KCNH7: variants seen among roughly 807,000 people sequenced by gnomAD.
KCNH7 encodes potassium voltage-gated channel subfamily H member 7.
KCNH7 carries 49 observed loss-of-function variants against 120.8 expected under a neutral mutation model. The observed-to-expected ratio is 0.41, with a 90% CI of 0.32 to 0.51. KCNH7 has a LOEUF of 0.51. KCNH7 is among the 20% of genes least tolerant of loss of function. The probability of loss-of-function intolerance (pLI) is 0.38; values close to 1 mark genes in which losing one functional copy is unlikely to be tolerated. For missense variants in KCNH7, 1,097 were observed against 1,446.6 expected, an observed-to-expected ratio of 0.76 and a Z score of 3.92; for synonymous variants, 547 against 516.1, an observed-to-expected ratio of 1.06 and a Z score of -0.81.
At chr2:162,459,553 C>T (rs1243282604) in intron 6 of KCNH7, among the ~76,000 whole-genome samples, 1 of 152,106 alleles carries the variant, frequency 6.6e-6, no homozygotes, top group Admixed American at 6.6e-5. Flanking sequence ...TCTTGCTCTG[C>T]CTTCTTCCTT....
intron 2 of KCNH7, among the ~76,000 whole-genome samples, chr2:162,554,163 C>G (rs1056335387): frequency 6.6e-6 from 1 of 152,156 alleles, no homozygotes; most frequent in African/African-American, 2.4e-5. Flanking sequence ...CAAATATCAT[C>G]TGCCCATGCC....
At chr2:162,492,961 A>C (rs2105720488) in intron 6 of KCNH7, among the ~76,000 whole-genome samples, 1 of 146,262 alleles carries the variant, frequency 6.8e-6, no homozygotes, top group South Asian at 2.1e-4. Flanking sequence ...TTAATGCACA[A>C]GTCAGAGGCC....
chr2:162,663,883 G>A (rs1288906595), intron 2 of KCNH7, among the ~76,000 whole-genome samples: 1 of 152,120 alleles, frequency 6.6e-6, no homozygotes, highest in Non-Finnish European at 1.5e-5. Flanking sequence ...TAGCTTCCCA[G>A]GAATTTGTTA....
chr2:162,523,605 G>C (rs946743902), intron 3 of KCNH7, among the ~76,000 whole-genome samples: 6 of 151,198 alleles, frequency 4.0e-5, no homozygotes, highest in Admixed American at 2.0e-4. Context: ...ATCTATTACA[G>C]TTTGGAAGAA....
intron 2 of KCNH7, among the ~76,000 whole-genome samples, chr2:162,681,198 A>G (rs1685698769): frequency 6.6e-6 from 1 of 151,812 alleles, no homozygotes. Flanking sequence ...TTCGTATTCC[A>G]GTAATGGACT....
At chr2:162,423,670 A>C in intron 8 of KCNH7, 135 bp from the exon 9 acceptor site, 1 of 761,216 alleles carries the variant, frequency 1.3e-6, no homozygotes, top group Non-Finnish European at 2.0e-6. Context: ...GGAAAAAAAG[A>C]AGTTAAACTA....
At chr2:162,633,306 T>C (rs1454108739) in intron 2 of KCNH7, among the ~76,000 whole-genome samples, 1 of 151,952 alleles carries the variant, frequency 6.6e-6, no homozygotes, top group Non-Finnish European at 1.5e-5. Context: ...TAAGGTTGTA[T>C]AGTTACATGT....
At chr2:162,546,154 C>A (rs1039140499) in intron 2 of KCNH7, among the ~76,000 whole-genome samples, 6 of 152,146 alleles carry the variant, frequency 3.9e-5, no homozygotes, top group African/African-American at 1.2e-4. Context: ...CTGGTTCCTA[C>A]TTAATTTTGG....
At chr2:162,708,882 T>A (rs903669094) in intron 2 of KCNH7, among the ~76,000 whole-genome samples, 3 of 152,060 alleles carry the variant, frequency 2.0e-5, no homozygotes, top group African/African-American at 4.8e-5. Context: ...AAATTGAATA[T>A]ATCTTTGGAA....
intron 2 of KCNH7, among the ~76,000 whole-genome samples, chr2:162,627,079 C>T (rs953069474): frequency 3.3e-5 from 5 of 152,116 alleles, no homozygotes; most frequent in African/African-American, 1.2e-4. Context: ...GCTTTTCTGC[C>T]ATGTGGATTA....
chr2:162,405,087 A>T (rs1358355666), intron 9 of KCNH7, among the ~76,000 whole-genome samples: 2 of 152,004 alleles, frequency 1.3e-5, no homozygotes, highest in African/African-American at 4.8e-5. Context: ...TGTATGGGGA[A>T]AGATTTTAAA....
At chr2:162,735,051 G>C (rs1446699791) in intron 2 of KCNH7, among the ~76,000 whole-genome samples, 3 of 152,176 alleles carry the variant, frequency 2.0e-5, no homozygotes, top group Non-Finnish European at 4.4e-5. Flanking sequence ...CTTACAGTAA[G>C]TTTCACAGGA....
chr2:162,474,433 T>C (rs952735212), intron 6 of KCNH7, among the ~76,000 whole-genome samples: 2 of 152,288 alleles, frequency 1.3e-5, no homozygotes, highest in Admixed American at 1.3e-4. Flanking sequence ...AAATTGGAGG[T>C]TCTGAAACTA....
chr2:162,804,537 C>A (rs371168509), intron 2 of KCNH7, among the ~76,000 whole-genome samples: 2 of 151,706 alleles, frequency 1.3e-5, no homozygotes, highest in African/African-American at 2.4e-5. Context: ...ATGTATTTAA[C>A]CAAAGAGATG....
chr2:162,731,219 CATATAT>C (rs59151335), intron 2 of KCNH7, among the ~76,000 whole-genome samples: 1 of 138,982 alleles, frequency 7.2e-6, no homozygotes, highest in African/African-American at 3.1e-5. Flanking sequence ...TGCATACATA[CATATAT>C]ATATATATGT....
At chr2:162,679,527 G>A (rs1178104328) in intron 2 of KCNH7, among the ~76,000 whole-genome samples, 7 of 151,664 alleles carry the variant, frequency 4.6e-5, no homozygotes, top group East Asian at 1.9e-4. Flanking sequence ...TTACTGAAAC[G>A]CTCTGAGCAG....
chr2:162,609,047 G>A (rs1033861747), intron 2 of KCNH7, among the ~76,000 whole-genome samples: 22 of 151,948 alleles, frequency 1.4e-4, no homozygotes, highest in African/African-American at 4.8e-4. Flanking sequence ...CACAGACACC[G>A]CCAGCCCCCC....
chr2:162,561,653 C>CT (rs1046819754), intron 2 of KCNH7, among the ~76,000 whole-genome samples: 1 of 152,132 alleles, frequency 6.6e-6, no homozygotes, highest in Non-Finnish European at 1.5e-5. Flanking sequence ...TGATGATGAG[C>CT]TTTTTTTCAT....
At chr2:162,475,197 G>T (rs1224752178) in intron 6 of KCNH7, among the ~76,000 whole-genome samples, 1 of 152,114 alleles carries the variant, frequency 6.6e-6, no homozygotes, top group South Asian at 2.1e-4. Flanking sequence ...TACATGTGGC[G>T]AATGACACTG....
Sources: gnomAD v4.1 joint callset for allele counts (sites outside exome capture counted in the v4.1 genomes callset) on GRCh38, gnomAD v4.1.1 for gene constraint, MANE v1.5 for transcripts, NCBI Gene and HGNC (gene_info 2026-07-23, HGNC 2026-07-21) for gene names.